ATG13: variants seen among roughly 807,000 people sequenced by gnomAD.
ATG13 encodes autophagy-related protein 13.
Under a neutral mutation model 65.5 loss-of-function variants are expected in ATG13, and 23 were observed. The ratio of observed to expected loss-of-function variants is 0.35; its 90% CI spans 0.25 to 0.50. The LOEUF (loss-of-function observed/expected upper bound fraction) is 0.50. Among genes scored for constraint, ATG13 ranks in the 20% least tolerant of loss-of-function variants. ATG13 has a pLI of 0.98. For missense variants in ATG13, 566 were observed against 677.0 expected, an observed-to-expected ratio of 0.84 and a Z score of 1.82; for synonymous variants, 252 against 245.2, an observed-to-expected ratio of 1.03 and a Z score of -0.26.
At chr11:46,652,593 G>A (rs534674767) in intron 7 of ATG13, among the ~76,000 whole-genome samples, 1 of 152,086 alleles carries the variant, frequency 6.6e-6, no homozygotes, top group South Asian at 2.1e-4. Flanking sequence ...GTTCACATCT[G>A]TAGTCCCAGC....
intron 2 of ATG13, among the ~76,000 whole-genome samples, chr11:46,636,552 C>T (rs1023837969): frequency 2.5e-5 from 3 of 120,716 alleles, no homozygotes; most frequent in South Asian, 5.4e-4. Context: ...GGCGAGACTC[C>T]GTCTCAAAAA....
chr11:46,637,624 C>T (rs2054427098), intron 2 of ATG13, among the ~76,000 whole-genome samples: 1 of 152,150 alleles, frequency 6.6e-6, no homozygotes, highest in East Asian at 1.9e-4. Flanking sequence ...ATCTGCCTGC[C>T]TCAGCTTCCC....
rs1272520789 is a variant in ATG13 at position 46,657,508 on chromosome 11, G to T, written c.597-16G>T. 6.2e-7 allele frequency: 1 copy of T among 1,606,602 alleles called. No individual in the cohort carries two copies. The highest frequency in any genetic ancestry group is 8.5e-7 in the Non-Finnish European group (1 of 1,173,330). ...GGCATTCTAACAAATACTGGAATCT[G>T]CTTATTGTATTACAGGCAATTTGAG... On this transcript the variant is annotated splice_polypyrimidine_tract_variant and intron_variant, in intron 9 of 18. Transcript: ENST00000683050.
chr11:46,647,731 A>ATGGC (rs2057998632), intron 5 of ATG13, among the ~76,000 whole-genome samples: 1 of 149,822 alleles, frequency 6.7e-6, no homozygotes, highest in Non-Finnish European at 1.5e-5. Context: ...ACCACCACAC[A>ATGGC]TGGCTAATGT....
intron 1 of ATG13, among the ~76,000 whole-genome samples, chr11:46,619,371 G>GTTTTTTTTT (rs2046529846): frequency 3.8e-5 from 2 of 53,036 alleles, no homozygotes; most frequent in Non-Finnish European, 7.4e-5. Flanking sequence ...TAGATTTCTT[G>GTTTTTTTTT]CTTTTTTTTT....
At chr11:46,622,096 TATATATATATATATATATATATATATA>T (rs1565397644) in intron 1 of ATG13, among the ~76,000 whole-genome samples, 1 of 58,932 alleles carries the variant, frequency 1.7e-5, no homozygotes, top group African/African-American at 8.8e-5. Context: ...TATATATATA[TATATATATATATATATATATATATATA>T]TATATTTATT....
chr11:46,627,118 C>T (rs1384357399), intron 1 of ATG13, among the ~76,000 whole-genome samples: 3 of 152,074 alleles, frequency 2.0e-5, no homozygotes, highest in Admixed American at 6.5e-5. Context: ...TGATGGCTCA[C>T]GCCTGTAATC....
chr11:46,653,662 C>T (rs1229802012), intron 7 of ATG13, among the ~76,000 whole-genome samples: 1 of 151,640 alleles, frequency 6.6e-6, no homozygotes, highest in East Asian at 2.0e-4. Flanking sequence ...CTCCGCCTCC[C>T]AGGTTCACGC....
rs1472220465 is a variant in ATG13, at chr11:46,673,433, C to G, written c.*1101C>G. The G allele has an allele frequency of 6.6e-6, 1 of 152,288 alleles. No homozygotes were observed. Among genetic ancestry groups the G allele is most frequent in the Non-Finnish European group, 1.5e-5 (1 of 68,106 alleles). 9.4% of individuals were successfully genotyped at this position (152,288 alleles called of 1,614,324 possible). Reference sequence around the variant, plus strand: ...ATCTCCCACAGTTTCTGCAGAGTGACTGACTCCATTCTGGCAGCCCAGGAA... The same window carrying G: ...ATCTCCCACAGTTTCTGCAGAGTGAGTGACTCCATTCTGGCAGCCCAGGAA... On this transcript the variant is annotated 3_prime_UTR_variant, in exon 19 of 19. Transcript: ENST00000683050.
chr11:46,637,185 T>C (rs1487672117), intron 2 of ATG13, among the ~76,000 whole-genome samples: 1 of 152,236 alleles, frequency 6.6e-6, no homozygotes, highest in Admixed American at 6.5e-5. Flanking sequence ...CATAAGTGTG[T>C]TGAATCCTAT....
chr11:46,658,281 A>G (rs1300113613), intron 10 of ATG13, among the ~76,000 whole-genome samples: 2 of 152,162 alleles, frequency 1.3e-5, no homozygotes, highest in Non-Finnish European at 2.9e-5. Context: ...CCTTTATGTG[A>G]TAGACTTGTG....
At chr11:46,628,503 CT>C (rs1468621438) in intron 1 of ATG13, among the ~76,000 whole-genome samples, 1 of 151,592 alleles carries the variant, frequency 6.6e-6, no homozygotes, top group Non-Finnish European at 1.5e-5. Flanking sequence ...TCTATTATTT[CT>C]TTAATAGTTT....
intron 1 of ATG13, among the ~76,000 whole-genome samples, chr11:46,624,224 G>A (rs575357318): frequency 2.0e-4 from 30 of 152,084 alleles, no homozygotes; most frequent in Admixed American, 1.4e-3. Flanking sequence ...GGCTGGTCTC[G>A]AACTCTTGAC....
intron 14 of ATG13, among the ~76,000 whole-genome samples, chr11:46,667,030 C>T (rs945616952): frequency 6.6e-6 from 1 of 152,152 alleles, no homozygotes; most frequent in African/African-American, 2.4e-5. Context: ...ATTTTACACT[C>T]TAGTTTTCTG....
intron 11 of ATG13, among the ~76,000 whole-genome samples, chr11:46,660,852 G>T (rs1359250273): frequency 6.6e-6 from 1 of 150,808 alleles, no homozygotes; most frequent in African/African-American, 2.4e-5. Context: ...GGGACTATAG[G>T]CATATGCCAC....
At chr11:46,648,979 A>G (rs2058336682) in intron 5 of ATG13, 158 bp from the exon 6 acceptor site, 1 of 540,620 alleles carries the variant, frequency 1.8e-6, no homozygotes, top group Non-Finnish European at 3.2e-6. Context: ...ATAGACTGTG[A>G]TTGCCCTTTT....
chr11:46,629,833 T>C (rs1204337876), intron 1 of ATG13: 1 of 152,240 alleles, frequency 6.6e-6, no homozygotes, highest in Non-Finnish European at 1.5e-5. Context: ...TGGTTAAACA[T>C]GACAGAGTGA....
chr11:46,659,383 T>A lies in ATG13; in HGVS notation c.696-9T>A. ...CATAAAATTCATTATTTCTTTCTTT[T>A]CACTTTAGAACTGCTGGTGAGGACA... On this transcript the variant is annotated splice_polypyrimidine_tract_variant and intron_variant, in intron 10 of 18. Transcript: ENST00000683050. 6.2e-7 allele frequency: 1 copy of A among 1,605,260 alleles called. No individual in the cohort carries two copies. The highest frequency in any genetic ancestry group is 8.5e-7 in the Non-Finnish European group (1 of 1,172,628).
chr11:46,645,260 T>C, intron 3 of ATG13, 79 bp from the exon 4 acceptor site: 1 of 1,278,646 alleles, frequency 7.8e-7, no homozygotes, highest in Non-Finnish European at 1.1e-6. Flanking sequence ...TTGGGAGGAT[T>C]TTAACCCTGA....
Sources: gnomAD v4.1 joint callset for allele counts (sites outside exome capture counted in the v4.1 genomes callset) on GRCh38, gnomAD v4.1.1 for gene constraint, MANE v1.5 for transcripts, NCBI Gene and HGNC (gene_info 2026-07-23, HGNC 2026-07-21) for gene names.